The following ZBTB10 variants were observed in gnomAD, a reference collection of about 807,000 sequenced individuals.
ZBTB10 encodes zinc finger and BTB domain-containing protein 10.
ZBTB10 carries 32 observed loss-of-function variants against 76.4 expected under a neutral mutation model. That is an observed-to-expected ratio of 0.42 (90% CI 0.32 to 0.56). The LOEUF is 0.56. ZBTB10 is among the 20% of genes least tolerant of loss of function. The pLI, the probability that ZBTB10 is intolerant of heterozygous loss-of-function variation, is 0.14. For synonymous variants in ZBTB10, 523 were observed against 432.9 expected (o/e 1.21, Z -2.58); for missense variants, 1,057 against 1,098.5 (o/e 0.96, Z 0.53).
Position 80,486,498 on chromosome 8 carries a change from C to G in ZBTB10, c.-313C>G. 1 of 985,504 alleles carries G rather than the reference C, an allele frequency of 1.0e-6. No homozygotes were observed. The highest frequency in any genetic ancestry group is 1.2e-6 in the Non-Finnish European group (1 of 830,106). The allele number at this position is 985,504 out of a possible 1,614,324, so 61.0% of individuals were successfully genotyped here. On this transcript the variant is annotated 5_prime_UTR_variant, in exon 1 of 6. Transcript: ENST00000455036. ...TCGAAGGCCTCGCTCGCTGCAGGCT[C>G]GCTCCTCACCTCTCCGCCGCCCGCC...
At position 80,487,631 on chromosome 8, in the gene ZBTB10, G is replaced by C. The variant is rs756097750; in HGVS notation, c.821G>C (p.Trp274Ser). The C allele has an allele frequency of 1.2e-6, 2 of 1,613,860 alleles. No individual in the cohort carries two copies. The highest frequency in any genetic ancestry group is 1.7e-6 in the Non-Finnish European group (2 of 1,179,874). ...GATACTGGTCTTATGTCTTGCGGCT[G>C]GTGCCAAAAGACCCCTGCAGATGGG... is the stretch of plus-strand genomic sequence containing the variant. ...SKDTGLMSCG[W>S]CQKTPADGGS... is the part of the protein sequence containing the mutation. Residue 274 changes from tryptophan to serine, a missense_variant, in exon 1 of 6, where the codon TGG becomes TCG. Trp to Ser is a radical substitution (Grantham distance 177, BLOSUM62 -3). Coordinates refer to ENST00000455036, the MANE Select transcript of ZBTB10 (RefSeq NM_001105539.3).
At chr8:80,504,571 TC>T (rs1816004113) in intron 2 of ZBTB10, among the ~76,000 whole-genome samples, 1 of 152,248 alleles carries the variant, frequency 6.6e-6, no homozygotes. Flanking sequence ...TTGTTTGACT[TC>T]ACTTCAGATC....
At position 80,487,401 on chromosome 8, in the gene ZBTB10, C is replaced by T. The variant is rs1360793920; in HGVS notation, c.591C>T (p.Ser197=). ...AGGGGGCGAGCCTGGGCGACGGCAG[C>T]GGGGCGGAAGGCGGCAGCTGCAGCA... ...EEEGASLGDG[S]GAEGGSCSSS... The change falls in exon 1 of 6, where the codon AGC becomes AGT. Residue 197 remains serine (S), a synonymous_variant. Coordinates refer to ENST00000455036, the MANE Select transcript of ZBTB10 (RefSeq NM_001105539.3). 15 of 1,535,170 alleles carry T rather than the reference C, an allele frequency of 9.8e-6. No individual in the cohort carries two copies. The highest frequency in any genetic ancestry group is 1.2e-5 in the Non-Finnish European group (14 of 1,138,124).
rs1453065204 is a variant in ZBTB10 at position 80,518,891 on chromosome 8, A to G, written c.2247A>G (p.Ser749=). Residue 749 remains serine, a synonymous_variant, in exon 5 of 6, where the codon TCA becomes TCG. Transcript: ENST00000455036. ...RHLLIHTGVR[S]FSCDICGKLF... ...TGCTCATTCACACAGGAGTGAGATC[A>G]TTTAGCTGTGATATTTGTGGAAAAC... 3 of 1,610,638 alleles carry G rather than the reference A, an allele frequency of 1.9e-6. No individual in the cohort carries two copies. The Admixed American group carries it at 5.0e-5, about 27-fold the overall frequency.
intron 3 of ZBTB10, 67 bp downstream of exon 3, chr8:80,514,075 C>CGGCT: frequency 1.4e-6 from 2 of 1,407,102 alleles, no homozygotes; most frequent in South Asian, 2.4e-5. Context: ...TACCTGCAGC[C>CGGCT]TAGTGTAATT....
intron 1 of ZBTB10, among the ~76,000 whole-genome samples, chr8:80,495,948 A>C (rs544049435): frequency 6.6e-6 from 1 of 152,342 alleles, no homozygotes; most frequent in Non-Finnish European, 1.5e-5. Context: ...TGTTTCTTTA[A>C]AATCTCCTTG....
Position 80,487,630 on chromosome 8 carries a change from T to C in ZBTB10, c.820T>C (p.Trp274Arg). Residue 274 changes from tryptophan (W) to arginine (R), a missense_variant, in exon 1 of 6, where the codon TGG (tryptophan) becomes CGG (arginine). By Grantham distance (101) the Trp-to-Arg change is moderately radical. Coordinates refer to ENST00000455036, the MANE Select transcript of ZBTB10 (RefSeq NM_001105539.3). Reference protein sequence around the residue: ...SKDTGLMSCGWCQKTPADGGS... With the variant: ...SKDTGLMSCGRCQKTPADGGS... ...GGATACTGGTCTTATGTCTTGCGGC[T>C]GGTGCCAAAAGACCCCTGCAGATGG... 1 of 1,613,958 alleles carries C rather than the reference T, an allele frequency of 6.2e-7. No individual in the cohort carries two copies. The highest frequency in any genetic ancestry group is 8.5e-7 in the Non-Finnish European group (1 of 1,179,884).
chr8:80,525,865 T>C lies in ZBTB10; in HGVS notation c.*6337T>C, dbSNP rs1394605473. 6.6e-6 allele frequency: 1 copy of C among 152,178 alleles called. No individual in the cohort carries two copies. Among genetic ancestry groups the C allele is most frequent in the East Asian group, 1.9e-4 (1 of 5,198 alleles). The allele number at this position is 152,178 out of a possible 1,614,324, so 9.4% of individuals were successfully genotyped here. ...TTTTGCCTATTAGTATCATATGGCATGTAGCTATCAAGCCAGTTTCGTTTA... is the reference window on the plus strand; with the variant it reads ...TTTTGCCTATTAGTATCATATGGCACGTAGCTATCAAGCCAGTTTCGTTTA... On this transcript the variant is annotated 3_prime_UTR_variant, in exon 6 of 6. Coordinates refer to ENST00000455036, the MANE Select transcript of ZBTB10 (RefSeq NM_001105539.3).
chr8:80,499,640 A>G lies in ZBTB10; in HGVS notation c.1119A>G (p.Lys373=), dbSNP rs758852343. The stretch of plus-strand genomic sequence containing the variant: ...ATGTCAGCATTGTGGTAAGCGGAAA[A>G]ATCTTCAAAGCTCATAAGAACATCC... The part of the protein sequence containing the change: ...LCDVSIVVSG[K]IFKAHKNILV... The change falls in exon 2 of 6, where the codon AAA becomes AAG. Residue 373 remains lysine (K), a synonymous_variant. Coordinates refer to ENST00000455036, the MANE Select transcript of ZBTB10 (RefSeq NM_001105539.3). 1.2e-6 allele frequency: 2 copies of G among 1,613,824 alleles called. No homozygotes were observed. The highest frequency in any genetic ancestry group is 1.7e-6 in the Non-Finnish European group (2 of 1,179,878).
chr8:80,500,288 A>G lies in ZBTB10; in HGVS notation c.1767A>G (p.Pro589=). ...QTTKRFIYNI[P]PNNETNLEDC... is the part of the protein sequence containing the mutation. ...CAAAAAGATTTATTTATAATATTCC[A>G]CCTAATAATGAAACGAATTTAGAAG... Residue 589 remains proline, a synonymous_variant, in exon 2 of 6, where the codon CCA becomes CCG. Coordinates refer to ENST00000455036, the MANE Select transcript of ZBTB10 (RefSeq NM_001105539.3). 1 of 1,575,924 alleles carries G rather than the reference A, an allele frequency of 6.3e-7. No individual in the cohort carries two copies. Among genetic ancestry groups the G allele is most frequent in the Non-Finnish European group, 8.6e-7 (1 of 1,160,174 alleles).
chr8:80,497,834 T>A (rs1454566638), intron 1 of ZBTB10, among the ~76,000 whole-genome samples: 1 of 151,990 alleles, frequency 6.6e-6, no homozygotes, highest in Non-Finnish European at 1.5e-5. Flanking sequence ...AGCTAATGTT[T>A]GTATTTTTAG....
chr8:80,509,451 AC>A (rs1816137395), intron 2 of ZBTB10, among the ~76,000 whole-genome samples: 1 of 152,150 alleles, frequency 6.6e-6, no homozygotes, highest in Admixed American at 6.5e-5. Context: ...AATATTGAGA[AC>A]CACAAGCAAA....
chr8:80,486,442 G>A lies in ZBTB10; in HGVS notation c.-369G>A. On this transcript the variant is annotated 5_prime_UTR_variant, in exon 1 of 6. Transcript: ENST00000455036. The stretch of plus-strand genomic sequence containing the variant: ...CGCGCGGCTTTAAAGAGGGGGCAGC[G>A]GAGGGTCTCCCCGCACTCCGCTGCT... 1 of 985,078 alleles carries A rather than the reference G, an allele frequency of 1.0e-6. No individual in the cohort carries two copies. Among genetic ancestry groups the A allele is most frequent in the Non-Finnish European group, 1.2e-6 (1 of 829,968 alleles). 61.0% of individuals were successfully genotyped at this position (985,078 alleles called of 1,614,324 possible).
chr8:80,526,044 A>G lies in ZBTB10; in HGVS notation c.*6516A>G, dbSNP rs1816554849. Reference sequence around the variant, plus strand: ...ATGTTACTATGGAAATCTCAATGCAAAAGTAGCCTTTGTGATTTTTTTTTT... The same window carrying G: ...ATGTTACTATGGAAATCTCAATGCAGAAGTAGCCTTTGTGATTTTTTTTTT... On this transcript the variant is annotated 3_prime_UTR_variant, in exon 6 of 6. Transcript: ENST00000455036. 6.6e-6 allele frequency: 1 copy of G among 152,152 alleles called. No homozygotes were observed. The highest frequency in any genetic ancestry group is 1.9e-4 in the East Asian group (1 of 5,196). The allele number at this position is 152,152 out of a possible 1,614,324, so 9.4% of individuals were successfully genotyped here.
chr8:80,505,832 T>A (rs1028050942), intron 2 of ZBTB10, among the ~76,000 whole-genome samples: 2 of 151,928 alleles, frequency 1.3e-5, no homozygotes, highest in African/African-American at 4.8e-5. Context: ...TGGGCTCATG[T>A]GATTCTCCCG....
chr8:80,495,775 C>T (rs533798580), intron 1 of ZBTB10, among the ~76,000 whole-genome samples: 2 of 152,092 alleles, frequency 1.3e-5, no homozygotes, highest in Non-Finnish European at 2.9e-5. Flanking sequence ...AAATATTGAA[C>T]ATCTAGATAA....
intron 1 of ZBTB10, among the ~76,000 whole-genome samples, chr8:80,496,759 C>A (rs537558606): frequency 2.9e-4 from 44 of 152,188 alleles, no homozygotes; most frequent in African/African-American, 1.0e-3. Context: ...GCTTGATATA[C>A]GGACTTTAGG....
At chr8:80,499,345 A>T in intron 1 of ZBTB10, 149 bp from the exon 2 acceptor site, 2 of 766,154 alleles carry the variant, frequency 2.6e-6, no homozygotes, top group Non-Finnish European at 3.8e-6. Flanking sequence ...AGTGGGTTGC[A>T]CCACCACTGT....
intron 2 of ZBTB10, among the ~76,000 whole-genome samples, chr8:80,509,390 T>C (rs1422812691): frequency 6.6e-6 from 1 of 152,230 alleles, no homozygotes; most frequent in Non-Finnish European, 1.5e-5. Flanking sequence ...TTTTCAAGAA[T>C]ATTTGTGTTC....
Sources: gnomAD v4.1 joint callset for allele counts (sites outside exome capture counted in the v4.1 genomes callset) on GRCh38, gnomAD v4.1.1 for gene constraint, MANE v1.5 for transcripts, NCBI Gene and HGNC (gene_info 2026-07-23, HGNC 2026-07-21) for gene names.